Variants in TCF7L1 observed in about 807,000 individuals in gnomAD.
TCF7L1 encodes transcription factor 7-like 1.
TCF7L1 carries 18 observed loss-of-function variants against 63.7 expected under a neutral mutation model. The ratio of observed to expected loss-of-function variants is 0.28; its 90% confidence interval spans 0.20 to 0.42. The LOEUF (loss-of-function observed/expected upper bound fraction) is 0.42. Among genes scored for constraint, TCF7L1 ranks in the 10% least tolerant of loss-of-function variants. TCF7L1 has a pLI of 1.00. For synonymous variants in TCF7L1, 355 were observed against 340.9 expected (o/e 1.04, Z -0.46); for missense variants, 654 against 779.3 (o/e 0.84, Z 1.91).
At chr2:85,298,798 G>C (rs1180058252) in intron 4 of TCF7L1, among the ~76,000 whole-genome samples, 1 of 152,076 alleles carries the variant, frequency 6.6e-6, no homozygotes, top group African/African-American at 2.4e-5. Context: ...TCCTCGGTTT[G>C]GGTATATGCT....
At chr2:85,249,293 T>C (rs747654926) in intron 3 of TCF7L1, among the ~76,000 whole-genome samples, 1 of 152,222 alleles carries the variant, frequency 6.6e-6, no homozygotes, top group Non-Finnish European at 1.5e-5. Flanking sequence ...CGCTGGCCTG[T>C]GCTGGTGTGG....
intron 3 of TCF7L1, among the ~76,000 whole-genome samples, chr2:85,217,951 A>C (rs977417612): frequency 6.6e-6 from 1 of 152,102 alleles, no homozygotes; most frequent in African/African-American, 2.4e-5. Context: ...AATTAGGTCT[A>C]ATCAGTTTTT....
intron 3 of TCF7L1, among the ~76,000 whole-genome samples, chr2:85,173,606 G>A (rs866582452): frequency 6.6e-6 from 1 of 152,094 alleles, no homozygotes; most frequent in African/African-American, 2.4e-5. Context: ...CAGGGATATC[G>A]AAGTCTCCTA....
intron 3 of TCF7L1, among the ~76,000 whole-genome samples, chr2:85,220,540 A>G (rs1191536762): frequency 6.6e-6 from 1 of 151,902 alleles, no homozygotes; most frequent in Non-Finnish European, 1.5e-5. Context: ...TAACTTTTGT[A>G]TTTTTGATAG....
intron 3 of TCF7L1, among the ~76,000 whole-genome samples, chr2:85,244,546 G>C (rs1039827377): frequency 6.6e-6 from 1 of 152,160 alleles, no homozygotes; most frequent in Non-Finnish European, 1.5e-5. Context: ...CTGGGCAGTG[G>C]GAAAGAAGAA....
intron 3 of TCF7L1, among the ~76,000 whole-genome samples, chr2:85,240,583 C>T (rs1680298671): frequency 6.6e-6 from 1 of 150,958 alleles, no homozygotes; most frequent in Non-Finnish European, 1.5e-5. Context: ...ACCAGGCTGG[C>T]CAACATGGCC....
At chr2:85,199,038 T>C (rs1679218287) in intron 3 of TCF7L1, among the ~76,000 whole-genome samples, 1 of 152,104 alleles carries the variant, frequency 6.6e-6, no homozygotes. Flanking sequence ...AAGGTGGACT[T>C]GAGAGTTTAT....
rs185842967 is a variant in TCF7L1, at chr2:85,194,637, G to A, written c.441+60187G>A. ...GCCAGCCAAACTTGAGTCTAGAATT[G>A]TGTGCCCCCAGGTGCCCTTGAGCCC... On this transcript the variant is annotated intron_variant, in intron 3 of 11. Transcript: ENST00000282111. 2.6e-4 allele frequency among the ~76,000 whole-genome samples: 40 copies of A among 152,294 alleles called. No homozygotes were observed. The East Asian group carries it at 7.7e-3, about 29-fold the overall frequency.
At chr2:85,260,386 C>T (rs1346434328) in intron 3 of TCF7L1, among the ~76,000 whole-genome samples, 1 of 151,816 alleles carries the variant, frequency 6.6e-6, no homozygotes, top group African/African-American at 2.4e-5. Context: ...TCTGTAATCC[C>T]AACATTTTGG....
intron 4 of TCF7L1, among the ~76,000 whole-genome samples, chr2:85,294,025 G>GTTTTTTTTTT (rs1558658876): frequency 2.8e-5 from 2 of 70,550 alleles, no homozygotes; most frequent in African/African-American, 7.5e-5. Flanking sequence ...TGAACACTGG[G>GTTTTTTTTTT]ATTTTTTTTT....
intron 3 of TCF7L1, among the ~76,000 whole-genome samples, chr2:85,219,129 G>A (rs2104298849): frequency 6.6e-6 from 1 of 152,288 alleles, no homozygotes; most frequent in East Asian, 1.9e-4. Flanking sequence ...CTCCAGCTTG[G>A]GCAACAGAGT....
At chr2:85,137,386 C>G (rs1677619093) in intron 3 of TCF7L1, among the ~76,000 whole-genome samples, 1 of 152,206 alleles carries the variant, frequency 6.6e-6, no homozygotes, top group South Asian at 2.1e-4. Context: ...TCCTGAGGCT[C>G]TTTAGAGAAG....
chr2:85,194,693 C>T (rs890029473), intron 3 of TCF7L1, among the ~76,000 whole-genome samples: 1 of 152,070 alleles, frequency 6.6e-6, no homozygotes, highest in South Asian at 2.1e-4. Context: ...TTACAGCAAC[C>T]AGCAGTGTGT....
chr2:85,205,856 C>T (rs1679396515), intron 3 of TCF7L1, among the ~76,000 whole-genome samples: 2 of 152,212 alleles, frequency 1.3e-5, no homozygotes. Flanking sequence ...AAGCAGTTTT[C>T]TCCACACCTG....
At chr2:85,224,089 C>T (rs550763521) in intron 3 of TCF7L1, among the ~76,000 whole-genome samples, 1 of 152,318 alleles carries the variant, frequency 6.6e-6, no homozygotes, top group East Asian at 1.9e-4. Context: ...TTTCCAGCTT[C>T]ATCCATGTCC....
At chr2:85,299,482 G>A (rs914635111) in intron 4 of TCF7L1, among the ~76,000 whole-genome samples, 8 of 147,490 alleles carry the variant, frequency 5.4e-5, no homozygotes, top group Non-Finnish European at 1.2e-4. Flanking sequence ...AACCCAGGAG[G>A]CAGAGGTTGC....
At chr2:85,286,559 G>A (rs1681560337) in intron 4 of TCF7L1, among the ~76,000 whole-genome samples, 1 of 151,720 alleles carries the variant, frequency 6.6e-6, no homozygotes, top group Admixed American at 6.6e-5. Context: ...GCAATGGCGC[G>A]ATCTTGGCTC....
At chr2:85,290,953 C>T (rs957348676) in intron 4 of TCF7L1, among the ~76,000 whole-genome samples, 8 of 152,356 alleles carry the variant, frequency 5.3e-5, no homozygotes, top group Admixed American at 4.6e-4. Context: ...CCTTGTGAAT[C>T]CCCTCTTGGG....
intron 3 of TCF7L1, among the ~76,000 whole-genome samples, chr2:85,266,144 A>C (rs1247152373): frequency 6.6e-6 from 1 of 152,236 alleles, no homozygotes; most frequent in Non-Finnish European, 1.5e-5. Context: ...ACATAAATTC[A>C]GATATCATAA....
Sources: allele counts gnomAD v4.1 joint callset (sites outside exome capture counted in the v4.1 genomes callset), GRCh38; gene constraint gnomAD v4.1.1; transcripts MANE v1.5; gene names NCBI Gene and HGNC (gene_info 2026-07-23, HGNC 2026-07-21).